WDFY3: variants seen among roughly 807,000 people sequenced by gnomAD.
The protein encoded by WDFY3 is WD repeat and FYVE domain containing 3, also known as WD repeat and FYVE domain-containing protein 3.
Under a neutral mutation model 409.6 loss-of-function variants are expected in WDFY3, and 66 were observed. That is an observed-to-expected ratio of 0.16 (90% CI 0.13 to 0.20). The LOEUF is 0.20. Ranked by LOEUF, WDFY3 falls within the 10% of genes least tolerant of loss-of-function variation. The probability of loss-of-function intolerance (pLI) is 1.00; values close to 1 mark genes in which losing one functional copy is unlikely to be tolerated. For missense variants in WDFY3, 3,031 were observed against 4,298.1 expected (o/e 0.71, Z 8.24); for synonymous variants, 1,521 against 1,537.1 (o/e 0.99, Z 0.25).
rs764295439 is a variant in WDFY3 at position 84,713,140 on chromosome 4, C to T, written c.8042+19G>A. The T allele has an allele frequency of 1.2e-6, 2 of 1,611,968 alleles. No homozygotes were observed. Among genetic ancestry groups the T allele is most frequent in the Admixed American group, 3.3e-5 (2 of 60,008 alleles). On this transcript the variant is annotated intron_variant, in intron 51 of 67. Coordinates refer to ENST00000295888, the MANE Select transcript of WDFY3 (RefSeq NM_014991.6). ...AACTTCACTATTAAACTGTAACATGCAAGGAACAAACCACCTACCCCTGCT... is the reference window on the plus strand; with the variant it reads ...AACTTCACTATTAAACTGTAACATGTAAGGAACAAACCACCTACCCCTGCT...
chr4:84,778,377 T>C, intron 27 of WDFY3, 126 bp downstream of exon 27: 1 of 846,334 alleles, frequency 1.2e-6, no homozygotes, highest in South Asian at 3.4e-5. Context: ...TACTAAATGA[T>C]ATTAACATGA....
At chr4:84,917,823 G>A (rs1230997570) in intron 2 of WDFY3, among the ~76,000 whole-genome samples, 1 of 151,850 alleles carries the variant, frequency 6.6e-6, no homozygotes, top group Non-Finnish European at 1.5e-5. Context: ...TACAGATAAA[G>A]AAATAATATT....
At position 84,680,353 on chromosome 4, in the gene WDFY3, G is replaced by T. The variant is rs189537190; in HGVS notation, c.9824-1111C>A. On this transcript the variant is annotated intron_variant, in intron 64 of 67. Transcript: ENST00000295888. ...CACCCAGGCTGGAGTGTAGTGGAGC[G>T]ATCATAGCTCACTGCAGCCTCAACC... Among the ~76,000 whole-genome samples the T allele has an allele frequency of 1.4e-3, 218 of 152,206 alleles. 2 individuals are homozygous for T. Among genetic ancestry groups the T allele is most frequent in the South Asian group, 4.6e-3 (22 of 4,814 alleles).
At chr4:84,808,504 G>C in intron 14 of WDFY3, 87 bp from the exon 15 acceptor site, 3 of 1,053,576 alleles carry the variant, frequency 2.8e-6, no homozygotes, top group Non-Finnish European at 4.4e-6. Flanking sequence ...CACAAGAAAT[G>C]CCAGTAAAAG....
Position 84,782,368 on chromosome 4 carries a change from C to T in WDFY3, c.4174+595G>A, listed in dbSNP as rs188565226. Among the ~76,000 whole-genome samples, 98 of 126,194 alleles carry T rather than the reference C, an allele frequency of 7.8e-4. 1 individual carries two copies. The highest frequency in any genetic ancestry group is 2.8e-3 in the African/African-American group (98 of 34,388). 82.8% of individuals were successfully genotyped at this position (126,194 alleles called of 152,430 possible). ...CATTACTGACAAGAGGGAAACAGTG[C>T]AATTTTTTTTTTTTATTTTACTTTA... is the stretch of plus-strand genomic sequence containing the variant. On this transcript the variant is annotated intron_variant, in intron 25 of 67. Transcript: ENST00000295888.
intron 18 of WDFY3, among the ~76,000 whole-genome samples, chr4:84,797,595 T>TATTTATTTA (rs200048517): frequency 6.6e-6 from 1 of 150,844 alleles, no homozygotes. Flanking sequence ...TTTATTTATT[T>TATTTATTTA]TTTGAGACGG....
At chr4:84,759,544 G>A (rs531808973) in intron 32 of WDFY3, among the ~76,000 whole-genome samples, 15 of 150,590 alleles carry the variant, frequency 1.0e-4, no homozygotes, top group East Asian at 7.8e-4. Flanking sequence ...GGATTCCTAG[G>A]TATTTTATTC....
intron 9 of WDFY3, 149 bp downstream of exon 9, chr4:84,828,855 C>T: frequency 1.3e-6 from 1 of 754,770 alleles, no homozygotes. Flanking sequence ...GCTGTGATTG[C>T]ACCAGAAAAA....
At chr4:84,838,397 T>C (rs532544814) in intron 6 of WDFY3, among the ~76,000 whole-genome samples, 5 of 152,336 alleles carry the variant, frequency 3.3e-5, no homozygotes, top group East Asian at 1.9e-4. Context: ...CAATGACTTA[T>C]GAAAATAGTC....
At chr4:84,889,690 T>C (rs1764680606) in intron 3 of WDFY3, among the ~76,000 whole-genome samples, 1 of 152,186 alleles carries the variant, frequency 6.6e-6, no homozygotes, top group African/African-American at 2.4e-5. Flanking sequence ...CAAACTACCC[T>C]AAGCTACATT....
intron 18 of WDFY3, 137 bp downstream of exon 18, chr4:84,797,859 C>G: frequency 4.0e-6 from 3 of 741,390 alleles, no homozygotes; most frequent in South Asian, 2.2e-5. Context: ...GCGTGAGCCA[C>G]CGCGCCGGGC....
rs144164966 is a variant in WDFY3 at position 84,724,565 on chromosome 4, A to G, written c.7302T>C (p.Ser2434=). The G allele has an allele frequency of 4.2e-5, 68 of 1,613,672 alleles. 1 individual carries two copies. The African/African-American group carries it at 8.4e-4, about 20-fold the overall frequency. The stretch of plus-strand genomic sequence containing the variant: ...GCATGTAGTACTCTTTACTGTCATA[A>G]CTTACGGCTCTTCTATATCGAGCAG... ...KKPARYRRAV[S]YDSKEYYMRL... Residue 2434 remains serine (S), a synonymous_variant, in exon 46 of 68, where the codon AGT becomes AGC. Coordinates refer to ENST00000295888, the MANE Select transcript of WDFY3 (RefSeq NM_014991.6).
chr4:84,845,019 A>G (rs1388596998), intron 5 of WDFY3, among the ~76,000 whole-genome samples: 1 of 152,184 alleles, frequency 6.6e-6, no homozygotes, highest in African/African-American at 2.4e-5. Flanking sequence ...AAAGGTTTCC[A>G]TTTTCACAAA....
chr4:84,798,844 TAC>T (rs1179661741), intron 17 of WDFY3, among the ~76,000 whole-genome samples: 2 of 152,090 alleles, frequency 1.3e-5, no homozygotes, highest in Admixed American at 6.6e-5. Context: ...AACTTAAATC[TAC>T]ACAGTGTCAC....
chr4:84,820,001 G>T (rs546028054), intron 12 of WDFY3, 84 bp downstream of exon 12: 63 of 1,215,480 alleles, frequency 5.2e-5, no homozygotes, highest in Non-Finnish European at 5.4e-5. Context: ...AAAGTGACAG[G>T]AAGATTTCAG....
intron 1 of WDFY3, among the ~76,000 whole-genome samples, chr4:84,945,288 C>T (rs1388703103): frequency 6.6e-6 from 1 of 152,254 alleles, no homozygotes; most frequent in African/African-American, 2.4e-5. Context: ...GTTGAGAACA[C>T]ATTTGCCTGA....
chr4:84,782,233 T>C lies in WDFY3; in HGVS notation c.4174+730A>G, dbSNP rs185068262. Among the ~76,000 whole-genome samples the C allele has an allele frequency of 2.6e-5, 4 of 152,334 alleles. No homozygotes were observed. In the East Asian group the frequency reaches 7.7e-4, roughly 29 times the overall value. On this transcript the variant is annotated intron_variant, in intron 25 of 67. Coordinates refer to ENST00000295888, the MANE Select transcript of WDFY3 (RefSeq NM_014991.6). ...TAAATTAACAAAAACTCATGAGCTA[T>C]ATACCAAATCATGAAACAATCAATA...
intron 21 of WDFY3, 34 bp from the exon 22 acceptor site, chr4:84,789,941 T>C (rs768523757): frequency 1.3e-5 from 21 of 1,603,920 alleles, no homozygotes; most frequent in Admixed American, 6.7e-5. Flanking sequence ...AAAAACTTTT[T>C]CCAACACCAT....
chr4:84,753,795 T>A lies in WDFY3; in HGVS notation c.5641A>T (p.Asn1881Tyr). The change falls in exon 35 of 68, where the codon AAC (asparagine) becomes TAC (tyrosine). Residue 1881 changes from asparagine to tyrosine, a missense_variant. Physicochemically the swap from Asn to Tyr is moderately radical, Grantham distance 143. This residue lies in a region of WDFY3 where 342 missense variants were observed against 463.7 expected (regional missense o/e 0.74). Coordinates refer to ENST00000295888, the MANE Select transcript of WDFY3 (RefSeq NM_014991.6). The stretch of plus-strand genomic sequence containing the variant: ...CACATGGAGGCAAGGTCTGGCACGT[T>A]GTGATACAAATATCTGAAGAACTGC... The part of the protein sequence containing the change: ...LMQFFRYLYH[N>Y]VPDLASMWMS... 6.2e-7 allele frequency: 1 copy of A among 1,612,130 alleles called. No homozygotes were observed. Among genetic ancestry groups the A allele is most frequent in the South Asian group, 1.1e-5 (1 of 90,916 alleles).
Sources: gnomAD v4.1 joint callset for allele counts (sites outside exome capture counted in the v4.1 genomes callset) on GRCh38, gnomAD v4.1.1 for gene constraint, gnomAD v4.1.1 regional missense constraint, MANE v1.5 for transcripts, NCBI Gene and HGNC (gene_info 2026-07-23, HGNC 2026-07-21) for gene names.